DPY19L1: variants seen among roughly 807,000 people sequenced by gnomAD.
The protein encoded by DPY19L1 is protein C-mannosyl-transferase DPY19L1.
A neutral mutation model predicts 96.9 loss-of-function variants in DPY19L1; 35 were observed. That is an observed-to-expected ratio of 0.36 (90% CI 0.28 to 0.48). DPY19L1 has a LOEUF of 0.48. Among genes scored for constraint, DPY19L1 ranks in the 20% least tolerant of loss-of-function variants. The pLI is 0.99. For missense variants in DPY19L1, 521 were observed against 777.9 expected (o/e 0.67, Z 3.93); for synonymous variants, 205 against 252.6 (o/e 0.81, Z 1.79).
At chr7:35,005,534 C>T (rs1785531633) in intron 6 of DPY19L1, among the ~76,000 whole-genome samples, 1 of 149,932 alleles carries the variant, frequency 6.7e-6, no homozygotes. Context: ...CACAGTGGCT[C>T]ACACCTGTAA....
Position 34,983,568 on chromosome 7 carries a change from G to GAGGA in DPY19L1, c.822+6315_822+6316insTCCT, listed in dbSNP as rs897464214. Reference sequence around the variant, plus strand: ...GGAAGAAGAGAGGGAGGGAGGGAGGGATGGAAATTTACCAGATAGTGATAA... The same window carrying GAGGA: ...GGAAGAAGAGAGGGAGGGAGGGAGGGAGGAATGGAAATTTACCAGATAGTGATAA... On this transcript the variant is annotated intron_variant, in intron 7 of 21. Transcript: ENST00000638088. Among the ~76,000 whole-genome samples the GAGGA allele has an allele frequency of 2.2e-5, 3 of 137,736 alleles. No homozygotes were observed. The Admixed American group carries it at 2.2e-4, about 10-fold the overall frequency. 90.4% of individuals were successfully genotyped at this position (137,736 alleles called of 152,430 possible).
intron 6 of DPY19L1, among the ~76,000 whole-genome samples, chr7:35,007,887 A>C (rs527333059): frequency 6.6e-5 from 10 of 152,092 alleles, no homozygotes; most frequent in African/African-American, 2.4e-4. Flanking sequence ...ATACTGGTCA[A>C]TTTTTGTACT....
chr7:34,981,778 C>A (rs1180804281), intron 7 of DPY19L1, among the ~76,000 whole-genome samples: 1 of 152,030 alleles, frequency 6.6e-6, no homozygotes, highest in Admixed American at 6.6e-5. Context: ...TGGTGAAACC[C>A]TGTCTCTAAT....
chr7:34,970,206 C>T (rs1196276956), intron 8 of DPY19L1, among the ~76,000 whole-genome samples: 1 of 152,142 alleles, frequency 6.6e-6, no homozygotes, highest in Non-Finnish European at 1.5e-5. Flanking sequence ...TGTTGATATA[C>T]TGAGGTGATG....
chr7:35,012,709 T>G (rs1785741532), intron 4 of DPY19L1, among the ~76,000 whole-genome samples: 1 of 150,842 alleles, frequency 6.6e-6, no homozygotes, highest in Non-Finnish European at 1.5e-5. Flanking sequence ...CAAAAAAGAT[T>G]CAAAGATATA....
intron 1 of DPY19L1, among the ~76,000 whole-genome samples, chr7:35,026,237 T>C (rs1584263244): frequency 1.3e-5 from 2 of 152,320 alleles, no homozygotes; most frequent in Non-Finnish European, 1.5e-5. Context: ...CCAGTAGTAA[T>C]TGTATCACCT....
At chr7:34,990,234 G>A (rs2128672259) in intron 6 of DPY19L1, among the ~76,000 whole-genome samples, 1 of 152,210 alleles carries the variant, frequency 6.6e-6, no homozygotes, top group East Asian at 1.9e-4. Flanking sequence ...TGTACATCAC[G>A]CAACCTGATA....
chr7:35,011,413 A>G lies in DPY19L1; in HGVS notation c.587T>C (p.Ile196Thr). The change falls in exon 5 of 22, where the codon ATA (isoleucine) becomes ACA (threonine). Residue 196 changes from isoleucine (I) to threonine (T), a missense_variant. Ile to Thr is a moderately conservative substitution (Grantham distance 89, BLOSUM62 -1). Coordinates refer to ENST00000638088, the MANE Select transcript of DPY19L1 (RefSeq NM_001366673.1). Reference protein sequence around the residue: ...LASWYRIYTKIMDLIGIQTKI... With the variant: ...LASWYRIYTKTMDLIGIQTKI... ...GGTTTGAATACCAATCAAGTCCATT[A>G]TTTTGGTATAAATCCGGTACCAACT... 1.2e-6 allele frequency: 2 copies of G among 1,612,890 alleles called. No individual in the cohort carries two copies. Among genetic ancestry groups the G allele is most frequent in the Non-Finnish European group, 1.7e-6 (2 of 1,179,540 alleles).
chr7:35,000,042 A>C (rs1785385794), intron 6 of DPY19L1, among the ~76,000 whole-genome samples: 2 of 152,228 alleles, frequency 1.3e-5, no homozygotes, highest in Admixed American at 1.3e-4. Context: ...TAATGCCAAA[A>C]GATATGCATG....
At chr7:34,945,792 C>T in intron 15 of DPY19L1, 76 bp from the exon 16 acceptor site, 1 of 973,006 alleles carries the variant, frequency 1.0e-6, no homozygotes, top group South Asian at 1.4e-5. Context: ...ATCTTCTAAA[C>T]TGTAAAATAA....
chr7:34,936,290 T>C (rs1033961366), intron 21 of DPY19L1, among the ~76,000 whole-genome samples: 3 of 151,526 alleles, frequency 2.0e-5, no homozygotes, highest in African/African-American at 7.3e-5. Flanking sequence ...GTTAGAGCTA[T>C]GCAAATCCAG....
chr7:34,962,850 C>T (rs186967333), intron 10 of DPY19L1, among the ~76,000 whole-genome samples: 1 of 152,160 alleles, frequency 6.6e-6, no homozygotes, highest in East Asian at 1.9e-4. Context: ...GTAGGTTGTG[C>T]ATGGTTGGGG....
intron 6 of DPY19L1, among the ~76,000 whole-genome samples, chr7:34,995,095 T>C (rs1162303145): frequency 3.3e-5 from 5 of 152,146 alleles, no homozygotes; most frequent in African/African-American, 7.2e-5. Context: ...ATAAAATTTA[T>C]TTATCTCCAA....
chr7:34,984,675 A>G (rs1358123753), intron 7 of DPY19L1, among the ~76,000 whole-genome samples: 1 of 152,216 alleles, frequency 6.6e-6, no homozygotes, highest in African/African-American at 2.4e-5. Context: ...CCTTCATAAA[A>G]TTATACATCT....
intron 8 of DPY19L1, among the ~76,000 whole-genome samples, chr7:34,970,142 T>A (rs1637682): frequency 6.6e-6 from 1 of 151,966 alleles, no homozygotes; most frequent in Admixed American, 6.6e-5. Context: ...TCTAAACCTG[T>A]GAGCCAACGC....
chr7:34,932,535 T>TA (rs987232013), intron 21 of DPY19L1, among the ~76,000 whole-genome samples: 3 of 152,108 alleles, frequency 2.0e-5, no homozygotes, highest in Admixed American at 6.6e-5. Flanking sequence ...TGTCATAAAG[T>TA]AAAAAAATCA....
At chr7:34,935,477 G>A (rs3906286) in intron 21 of DPY19L1, among the ~76,000 whole-genome samples, 2 of 152,194 alleles carry the variant, frequency 1.3e-5, no homozygotes, top group Non-Finnish European at 2.9e-5. Flanking sequence ...ATATATTTGA[G>A]TGTTTATATT....
chr7:34,956,652 C>T (rs1479915725), intron 11 of DPY19L1, among the ~76,000 whole-genome samples: 4 of 151,804 alleles, frequency 2.6e-5, no homozygotes, highest in African/African-American at 7.3e-5. Context: ...TACAGGCGCC[C>T]GCCACCATGC....
At chr7:34,991,533 G>T (rs1288659135) in intron 6 of DPY19L1, among the ~76,000 whole-genome samples, 1 of 152,186 alleles carries the variant, frequency 6.6e-6, no homozygotes, top group African/African-American at 2.4e-5. Flanking sequence ...AAGCACACAG[G>T]CTAGGCCCAG....
Sources: allele counts gnomAD v4.1 joint callset (sites outside exome capture counted in the v4.1 genomes callset), GRCh38; gene constraint gnomAD v4.1.1; transcripts MANE v1.5; gene names NCBI Gene and HGNC (gene_info 2026-07-23, HGNC 2026-07-21).